The following HORMAD2 variants were observed in gnomAD, a reference collection of about 807,000 sequenced individuals.
The protein encoded by HORMAD2 is HORMA domain containing 2, also known as HORMA domain-containing protein 2.
HORMAD2 carries 45 observed loss-of-function variants against 38.8 expected under a neutral mutation model. The ratio of observed to expected loss-of-function variants is 1.16; its 90% CI spans 0.91 to 1.49. HORMAD2 has a LOEUF of 1.49. Ranked by LOEUF, HORMAD2 falls within the 40% of genes most tolerant of loss-of-function variation. HORMAD2 has a pLI of 0.00. For synonymous variants in HORMAD2, 126 were observed against 122.8 expected (o/e 1.03, Z -0.17); for missense variants, 338 against 367.0 (o/e 0.92, Z 0.65).
At chr22:30,105,650 TAAAACAGA>T (rs1807896892) in intron 5 of HORMAD2, among the ~76,000 whole-genome samples, 1 of 152,220 alleles carries the variant, frequency 6.6e-6, no homozygotes, top group Non-Finnish European at 1.5e-5. Flanking sequence ...GATACAAAGA[TAAAACAGA>T]AGTGGGAAAG....
chr22:30,142,409 T>C (rs5763805), intron 10 of HORMAD2, among the ~76,000 whole-genome samples: 13,486 of 152,266 alleles, frequency 0.089, 1,035 homozygotes, highest in South Asian at 0.23. Flanking sequence ...CTAGTTAGTT[T>C]AGACTGTTGT....
chr22:30,086,867 T>G (rs1471206935), intron 1 of HORMAD2, among the ~76,000 whole-genome samples: 2 of 152,158 alleles, frequency 1.3e-5, no homozygotes, highest in Non-Finnish European at 2.9e-5. Flanking sequence ...TGATCTTGGC[T>G]CACTGCAACC....
At chr22:30,128,755 C>T (rs996871498) in intron 10 of HORMAD2, among the ~76,000 whole-genome samples, 4 of 152,268 alleles carry the variant, frequency 2.6e-5, no homozygotes, top group African/African-American at 9.6e-5. Context: ...TCCAGTGTCA[C>T]CAGCTGTGCT....
the HORMAD2 span, among the ~76,000 whole-genome samples, chr22:30,186,795 C>T: frequency 2.0e-5 from 3 of 151,850 alleles, no homozygotes; most frequent in African/African-American, 7.3e-5. Flanking sequence ...TACCAAAGGT[C>T]AAGGATCCTT....
the HORMAD2 span, among the ~76,000 whole-genome samples, chr22:30,187,202 CT>C: frequency 1.1e-4 from 17 of 152,200 alleles, no homozygotes; most frequent in Non-Finnish European, 1.6e-4. Context: ...TAGATGTGTT[CT>C]AACCATGTCA....
At chr22:30,080,416 T>C (rs1323808584), upstream of HORMAD2, 1 of 152,308 alleles carries the variant, frequency 6.6e-6, no homozygotes, top group Admixed American at 6.5e-5. Context: ...TCGTTGACTA[T>C]TCATGAGCCG....
At chr22:30,158,727 A>G (rs1050731802) in intron 10 of HORMAD2, among the ~76,000 whole-genome samples, 8 of 147,950 alleles carry the variant, frequency 5.4e-5, no homozygotes, top group Non-Finnish European at 1.2e-4. Flanking sequence ...TCTGTCACCC[A>G]GGCTGGAATG....
the HORMAD2 span, among the ~76,000 whole-genome samples, chr22:30,186,914 G>A: frequency 1.3e-5 from 2 of 151,034 alleles, no homozygotes; most frequent in African/African-American, 2.4e-5. Flanking sequence ...TTGGGGGTGG[G>A]GGGGTCATCG....
chr22:30,132,691 T>G (rs545470631), intron 10 of HORMAD2, among the ~76,000 whole-genome samples: 6 of 152,354 alleles, frequency 3.9e-5, no homozygotes, highest in African/African-American at 1.4e-4. Context: ...ATGTAATTGC[T>G]ATCCTCTGTT....
At chr22:30,158,919 A>G (rs958126452) in intron 10 of HORMAD2, among the ~76,000 whole-genome samples, 1 of 152,036 alleles carries the variant, frequency 6.6e-6, no homozygotes, top group African/African-American at 2.4e-5. Context: ...TCCTGAGCTC[A>G]AGCAATCTGC....
At chr22:30,165,509 T>A (rs529115153) in intron 10 of HORMAD2, among the ~76,000 whole-genome samples, 29 of 152,316 alleles carry the variant, frequency 1.9e-4, no homozygotes, top group African/African-American at 6.5e-4. Flanking sequence ...ATTGACATCT[T>A]AACCATATTG....
chr22:30,131,076 G>A (rs185133951), intron 10 of HORMAD2, among the ~76,000 whole-genome samples: 4 of 152,236 alleles, frequency 2.6e-5, no homozygotes, highest in African/African-American at 9.6e-5. Context: ...CCTTAGACAG[G>A]TTTCTTCAAA....
chr22:30,178,564 T>C (rs1926576238), downstream of HORMAD2, among the ~76,000 whole-genome samples: 1 of 152,230 alleles, frequency 6.6e-6, no homozygotes, highest in African/African-American at 2.4e-5. Context: ...TACTGAATGA[T>C]TTATTAGAAG....
chr22:30,130,838 G>A (rs1923232780), intron 10 of HORMAD2, among the ~76,000 whole-genome samples: 1 of 151,764 alleles, frequency 6.6e-6, no homozygotes, highest in South Asian at 2.1e-4. Flanking sequence ...CAACCCACCC[G>A]CCTCTGCCTC....
chr22:30,100,780 A>T (rs1320656955), intron 3 of HORMAD2, among the ~76,000 whole-genome samples: 1 of 152,224 alleles, frequency 6.6e-6, no homozygotes, highest in Non-Finnish European at 1.5e-5. Context: ...AAGGATATGA[A>T]CAGACACTTC....
intron 10 of HORMAD2, among the ~76,000 whole-genome samples, chr22:30,125,469 C>A (rs749842003): frequency 3.6e-4 from 54 of 151,678 alleles, no homozygotes; most frequent in Non-Finnish European, 6.6e-4. Context: ...CTCAGGTGAT[C>A]CGTCCGCCTC....
At position 30,176,554 on chromosome 22, in the gene HORMAD2, G is replaced by C. The variant is rs1926471144; in HGVS notation, c.*387G>C. The C allele has an allele frequency of 5.7e-6, 1 of 176,452 alleles. No individual in the cohort carries two copies. Among genetic ancestry groups the C allele is most frequent in the African/African-American group, 2.4e-5 (1 of 41,748 alleles). 10.9% of individuals were successfully genotyped at this position (176,452 alleles called of 1,614,324 possible). A position where few individuals can be genotyped will look rare whatever the true frequency, so the allele number is the denominator to read the frequency against. Reference sequence around the variant, plus strand: ...AGACTACTGTGAAATGTTTTGACTTGTTGTAACCTGTATACTGGAATCCCT... The same window carrying C: ...AGACTACTGTGAAATGTTTTGACTTCTTGTAACCTGTATACTGGAATCCCT... On this transcript the variant is annotated 3_prime_UTR_variant, in exon 11 of 11. Coordinates refer to ENST00000336726, the MANE Select transcript of HORMAD2 (RefSeq NM_152510.4).
chr22:30,126,227 G>C (rs552215513), intron 10 of HORMAD2, among the ~76,000 whole-genome samples: 1 of 151,812 alleles, frequency 6.6e-6, no homozygotes, highest in East Asian at 1.9e-4. Flanking sequence ...GCAGTGGTGC[G>C]ATCTCTGCTT....
At chr22:30,159,856 C>A (rs1925334974) in intron 10 of HORMAD2, among the ~76,000 whole-genome samples, 1 of 151,956 alleles carries the variant, frequency 6.6e-6, no homozygotes, top group Non-Finnish European at 1.5e-5. Context: ...TTTTTCCTCT[C>A]CATGTTGTTT....
Sources: gnomAD v4.1 joint callset for allele counts (sites outside exome capture counted in the v4.1 genomes callset) on GRCh38, gnomAD v4.1.1 for gene constraint, MANE v1.5 for transcripts, NCBI Gene and HGNC (gene_info 2026-07-23, HGNC 2026-07-21) for gene names.